CPAMD8: variants seen among roughly 807,000 people sequenced by gnomAD.
The protein encoded by CPAMD8 is C3 and PZP-like alpha-2-macroglobulin domain-containing protein 8.
Under a neutral mutation model 224.7 loss-of-function variants are expected in CPAMD8, and 146 were observed. That is an observed-to-expected ratio of 0.65 (90% CI 0.57 to 0.75). The LOEUF (loss-of-function observed/expected upper bound fraction) is 0.75, where lower values mean the gene tolerates loss of function less well. Among genes scored for constraint, CPAMD8 ranks in the 30% least tolerant of loss-of-function variants. The pLI is 0.00. For synonymous variants in CPAMD8, 966 were observed against 1,044.6 expected (o/e 0.92, Z 1.45); for missense variants, 2,301 against 2,537.5 (o/e 0.91, Z 2.00).
intron 20 of CPAMD8, among the ~76,000 whole-genome samples, chr19:16,950,770 G>A (rs2054273248): frequency 7.0e-6 from 1 of 143,620 alleles, no homozygotes; most frequent in Non-Finnish European, 1.5e-5. Flanking sequence ...TCCAGCCTGG[G>A]TGATAGAGTA....
rs200993812 is a variant in CPAMD8 at position 16,975,097 on chromosome 19, G to A, written c.2070C>T (p.Thr690=). Residue 690 remains threonine (T), a splice_region_variant and synonymous_variant, in exon 17 of 42, where the codon ACC becomes ACT. Coordinates refer to ENST00000443236, the MANE Select transcript of CPAMD8 (RefSeq NM_015692.5). ...GITKDSGFAF[T]ETGLVVMTDR... Reference sequence around the variant, plus strand: ...GGGATCTGAGACCACCTCTCCTTACGGTGAAGGCAAACCCAGAGTCCTTGG... The same window carrying A: ...GGGATCTGAGACCACCTCTCCTTACAGTGAAGGCAAACCCAGAGTCCTTGG... 1.4e-4 allele frequency: 223 copies of A among 1,611,462 alleles called. No individual in the cohort carries two copies. The highest frequency in any genetic ancestry group is 1.0e-4 in the Non-Finnish European group (122 of 1,179,610).
In CPAMD8 at chr19:16,977,436, C is replaced by A. The variant is rs374200163; in HGVS notation, c.1690G>T (p.Val564Phe). The A allele has an allele frequency of 1.2e-6, 2 of 1,611,956 alleles. No homozygotes were observed. The highest frequency in any genetic ancestry group is 8.5e-7 in the Non-Finnish European group (1 of 1,178,546). Residue 564 changes from valine to phenylalanine, a missense_variant, in exon 15 of 42, where the codon GTC (valine) becomes TTC (phenylalanine). By Grantham distance (50) the Val-to-Phe change is conservative (BLOSUM62 -1). Around this residue, in one of 4 missense-constraint regions of CPAMD8, gnomAD observed 301 missense variants for 406.6 expected, o/e 0.74. Transcript: ENST00000443236. ...VPLGRLLVFY[V>F]RENGEGVADS... Reference sequence around the variant, plus strand: ...GCGACCCCTTCTCCATTCTCCCTGACGTAGAAGACCAGCAGGCGACCAAGG... The same window carrying A: ...GCGACCCCTTCTCCATTCTCCCTGAAGTAGAAGACCAGCAGGCGACCAAGG...
In CPAMD8 at chr19:17,026,756, A is replaced by C. The variant is rs1373276016; in HGVS notation, c.-114T>G. 8.4e-7 allele frequency: 1 copy of C among 1,193,008 alleles called. No individual in the cohort carries two copies. Among genetic ancestry groups the C allele is most frequent in the African/African-American group, 1.6e-5 (1 of 62,372 alleles). The allele number at this position is 1,193,008 out of a possible 1,614,324, so 73.9% of individuals were successfully genotyped here. The stretch of plus-strand genomic sequence containing the variant: ...CCGCCGCCGGGGGCCCTTTGTTCGC[A>C]GCCCCCGCGCAGTGCGCCCGGCGCC... On this transcript the variant is annotated 5_prime_UTR_variant, in exon 1 of 42. Coordinates refer to ENST00000443236, the MANE Select transcript of CPAMD8 (RefSeq NM_015692.5).
In CPAMD8 at chr19:16,907,384, G is replaced by A. The variant is rs1458215979; in HGVS notation, c.3862-267C>T. 3 of 235,238 alleles carry A rather than the reference G, an allele frequency of 1.3e-5. No individual in the cohort carries two copies. The East Asian group carries it at 2.9e-4, about 23-fold the overall frequency. 14.6% of individuals were successfully genotyped at this position (235,238 alleles called of 1,614,324 possible). A position where few individuals can be genotyped will look rare whatever the true frequency, so the allele number is the denominator to read the frequency against. On this transcript the variant is annotated intron_variant, in intron 29 of 41. Transcript: ENST00000443236. ...GCACTTTGGGAGGCCAAGGTGGGTG[G>A]ATCACCTGAGGTCAGGAGTTTGAGA...
chr19:17,021,342 G>A (rs1342826492), intron 2 of CPAMD8, among the ~76,000 whole-genome samples: 1 of 152,144 alleles, frequency 6.6e-6, no homozygotes, highest in Non-Finnish European at 1.5e-5. Flanking sequence ...AGGACTAGAA[G>A]GGCTTCTAGA....
intron 24 of CPAMD8, among the ~76,000 whole-genome samples, chr19:16,928,523 C>T (rs1213499400): frequency 6.6e-6 from 1 of 152,180 alleles, no homozygotes; most frequent in Non-Finnish European, 1.5e-5. Context: ...ACTCTGCTTC[C>T]ATTTTGCCTA....
rs147130938 is a variant in CPAMD8, at chr19:17,015,129, C to T, written c.268-3372G>A. On this transcript the variant is annotated intron_variant, in intron 3 of 41. Transcript: ENST00000443236. Reference sequence around the variant, plus strand: ...TGATGGCAGGCGCCTATAGTCCCAGCGACTCAGGAGGCTGAGGCAGCAGAA... The same window carrying T: ...TGATGGCAGGCGCCTATAGTCCCAGTGACTCAGGAGGCTGAGGCAGCAGAA... Among the ~76,000 whole-genome samples, 234 of 152,272 alleles carry T rather than the reference C, an allele frequency of 1.5e-3. 1 individual carries two copies. The highest frequency in any genetic ancestry group is 2.4e-3 in the African/African-American group (101 of 41,570).
At chr19:16,955,682 A>G (rs2054447124) in intron 19 of CPAMD8, among the ~76,000 whole-genome samples, 1 of 152,144 alleles carries the variant, frequency 6.6e-6, no homozygotes, top group East Asian at 1.9e-4. Context: ...TTTTTGAATC[A>G]TTTTCCCTTT....
intron 20 of CPAMD8, among the ~76,000 whole-genome samples, chr19:16,947,912 G>A (rs1283700317): frequency 6.6e-6 from 1 of 152,196 alleles, no homozygotes; most frequent in African/African-American, 2.4e-5. Context: ...ATGCACCCAT[G>A]GGACTCCATG....
At chr19:16,988,652 T>A (rs1207283563) in intron 13 of CPAMD8, among the ~76,000 whole-genome samples, 2 of 151,818 alleles carry the variant, frequency 1.3e-5, no homozygotes, top group Admixed American at 1.3e-4. Context: ...AAACAAATAG[T>A]AATGCATGCA....
intron 18 of CPAMD8, among the ~76,000 whole-genome samples, chr19:16,961,676 T>C (rs2054661853): frequency 1.3e-5 from 2 of 152,206 alleles, no homozygotes; most frequent in African/African-American, 2.4e-5. Context: ...TCTCCCAGCA[T>C]GGCGTTTCAG....
chr19:16,918,835 A>G (rs1430927573), intron 27 of CPAMD8, among the ~76,000 whole-genome samples: 1 of 149,138 alleles, frequency 6.7e-6, no homozygotes, highest in Non-Finnish European at 1.5e-5. Context: ...CTACCTGTAT[A>G]CTTGGGCATC....
intron 19 of CPAMD8, among the ~76,000 whole-genome samples, chr19:16,953,291 A>T (rs2054354462): frequency 6.6e-6 from 1 of 151,880 alleles, no homozygotes; most frequent in South Asian, 2.1e-4. Flanking sequence ...AAGCTTCATG[A>T]CATTGGGTTT....
intron 22 of CPAMD8, among the ~76,000 whole-genome samples, chr19:16,939,967 C>T (rs2122162572): frequency 6.6e-6 from 1 of 151,968 alleles, no homozygotes; most frequent in East Asian, 1.9e-4. Context: ...GGCTGGAGTG[C>T]AATGGCGCGA....
intron 26 of CPAMD8, 50 bp from the exon 27 acceptor site, chr19:16,922,036 G>T: frequency 1.5e-6 from 2 of 1,353,490 alleles, no homozygotes; most frequent in Non-Finnish European, 2.0e-6. Context: ...CCTGGCCCAG[G>T]CCCGCCCCCA....
intron 25 of CPAMD8, among the ~76,000 whole-genome samples, 185 bp from the exon 26 acceptor site, chr19:16,925,557 A>G (rs2053330360): frequency 6.6e-6 from 1 of 151,218 alleles, no homozygotes; most frequent in Non-Finnish European, 1.5e-5. Flanking sequence ...AGTTTTACAC[A>G]CCTCCTTCTG....
rs117988697 is a variant in CPAMD8, at chr19:16,922,962, C to T, written c.3548-976G>A. ...TGACTACTGGTCACACACTGGCCTT[C>T]GGTCACTCCCAGGAGGTCAGCAAAA... On this transcript the variant is annotated intron_variant, in intron 26 of 41. Transcript: ENST00000443236. 7.3e-3 allele frequency among the ~76,000 whole-genome samples: 1,114 copies of T among 152,358 alleles called. 11 individuals carry two copies. The highest frequency in any genetic ancestry group is 0.047 in the East Asian group (245 of 5,190).
chr19:16,968,646 T>G (rs1339132888), intron 18 of CPAMD8, among the ~76,000 whole-genome samples: 2 of 152,194 alleles, frequency 1.3e-5, no homozygotes, highest in Admixed American at 6.5e-5. Flanking sequence ...TATTTATTTA[T>G]TTTTAAATTA....
chr19:16,995,873 G>C (rs988138274), intron 11 of CPAMD8, among the ~76,000 whole-genome samples: 4 of 152,180 alleles, frequency 2.6e-5, no homozygotes, highest in African/African-American at 9.7e-5. Flanking sequence ...AAATTGACTA[G>C]GTGCGGTGGC....
Sources: allele counts gnomAD v4.1 joint callset (sites outside exome capture counted in the v4.1 genomes callset), GRCh38; gene constraint gnomAD v4.1.1; regional missense constraint gnomAD v4.1.1; transcripts MANE v1.5; gene names NCBI Gene and HGNC (gene_info 2026-07-23, HGNC 2026-07-21).